Variants in RABGAP1L observed in about 807,000 individuals in gnomAD.
RABGAP1L encodes RAB GTPase activating protein 1 like.
In RABGAP1L, 63 loss-of-function variants were observed where a neutral mutation model predicts 137.7. The ratio of observed to expected loss-of-function variants is 0.46; its 90% CI spans 0.37 to 0.56. The LOEUF (loss-of-function observed/expected upper bound fraction) is 0.56, where lower values mean the gene tolerates loss of function less well. Among genes scored for constraint, RABGAP1L ranks in the 20% least tolerant of loss-of-function variants. The pLI is 0.00. For missense variants in RABGAP1L, 1,095 were observed against 1,244.0 expected (o/e 0.88, Z 1.80); for synonymous variants, 431 against 433.7 (o/e 0.99, Z 0.08).
chr1:174,623,574 G>A (rs1189974892), intron 13 of RABGAP1L, among the ~76,000 whole-genome samples: 2 of 152,178 alleles, frequency 1.3e-5, no homozygotes, highest in Non-Finnish European at 2.9e-5. Context: ...CTCTCCCCAT[G>A]AGTAATGGAT....
At chr1:174,653,321 A>G (rs1385956922) in intron 14 of RABGAP1L, among the ~76,000 whole-genome samples, 8 of 152,036 alleles carry the variant, frequency 5.3e-5, no homozygotes, top group South Asian at 2.1e-4. Flanking sequence ...CTGGCATTCC[A>G]GGTGCCACTG....
chr1:174,412,132 T>TA (rs1650007200), intron 13 of RABGAP1L, among the ~76,000 whole-genome samples: 1 of 152,076 alleles, frequency 6.6e-6, no homozygotes, highest in Admixed American at 6.6e-5. Flanking sequence ...GGTATAGACA[T>TA]ACTTGTTTAT....
intron 11 of RABGAP1L, among the ~76,000 whole-genome samples, chr1:174,335,876 A>C (rs551751480): frequency 6.6e-6 from 1 of 152,328 alleles, no homozygotes; most frequent in South Asian, 2.1e-4. Context: ...ACTATGCTTG[A>C]TTCTGAGAGA....
chr1:174,232,786 A>G (rs1291516880), intron 4 of RABGAP1L, among the ~76,000 whole-genome samples: 2 of 151,548 alleles, frequency 1.3e-5, no homozygotes, highest in Admixed American at 6.6e-5. Flanking sequence ...TAAGTCAGAT[A>G]ATGTTATTCT....
At chr1:174,532,362 C>G (rs1664493440) in intron 13 of RABGAP1L, among the ~76,000 whole-genome samples, 1 of 151,926 alleles carries the variant, frequency 6.6e-6, no homozygotes, top group Non-Finnish European at 1.5e-5. Flanking sequence ...GTGCGCACCA[C>G]CACACCTGGC....
chr1:174,702,269 C>G lies in RABGAP1L; in HGVS notation c.2169+13C>G. ...ACTGCTTTGTGAGGTAGAGTGACTCCCATCTTTCACTAAGCCAAAATAGAA... is the reference window on the plus strand; with the variant it reads ...ACTGCTTTGTGAGGTAGAGTGACTCGCATCTTTCACTAAGCCAAAATAGAA... On this transcript the variant is annotated intron_variant, in intron 17 of 25. Transcript: ENST00000681986. 1 of 1,571,502 alleles carries G rather than the reference C, an allele frequency of 6.4e-7. No homozygotes were observed. The highest frequency in any genetic ancestry group is 8.6e-7 in the Non-Finnish European group (1 of 1,160,352).
At chr1:174,648,004 A>T (rs756820267) in intron 14 of RABGAP1L, among the ~76,000 whole-genome samples, 5 of 152,010 alleles carry the variant, frequency 3.3e-5, no homozygotes, top group Non-Finnish European at 4.4e-5. Flanking sequence ...AAAGGTGTTT[A>T]TAGTATTCTC....
chr1:174,330,442 G>T (rs1408110863), intron 11 of RABGAP1L, among the ~76,000 whole-genome samples: 1 of 151,992 alleles, frequency 6.6e-6, no homozygotes, highest in African/African-American at 2.4e-5. Context: ...AAAATTAATA[G>T]GGCACAGTGG....
intron 14 of RABGAP1L, among the ~76,000 whole-genome samples, chr1:174,650,997 C>G (rs191924654): frequency 0.013 from 1,890 of 147,562 alleles, 19 homozygotes; most frequent in Middle Eastern, 0.064. Context: ...CCTCTACACA[C>G]TGCTTTGAAT....
In RABGAP1L at chr1:174,162,796, TTTTTTTTA is replaced by T. The variant is rs1173091585; in HGVS notation, c.-34+3140_-34+3147del. Among the ~76,000 whole-genome samples, 80 of 104,206 alleles carry T rather than the reference TTTTTTTTA, an allele frequency of 7.7e-4. 1 individual carries two copies. Among genetic ancestry groups the T allele is most frequent in the African/African-American group, 2.7e-3 (68 of 25,526 alleles). 68.4% of individuals were successfully genotyped at this position (104,206 alleles called of 152,430 possible). A position where few individuals can be genotyped will look rare whatever the true frequency, so the allele number is the denominator to read the frequency against. On this transcript the variant is annotated intron_variant, in intron 1 of 25. Coordinates refer to ENST00000681986, the MANE Select transcript of RABGAP1L (RefSeq NM_001366446.1). Reference sequence around the variant, plus strand: ...CTTTCTGTTTTTTTTTTTTTTTTTTTTTTTTTTAATTATACTTTAAGTTTTAGGGTACA... The same window carrying T: ...CTTTCTGTTTTTTTTTTTTTTTTTTTATTATACTTTAAGTTTTAGGGTACA...
Position 174,736,992 on chromosome 1 carries a change from C to T in RABGAP1L, c.2170-15321C>T, listed in dbSNP as rs59588705. The stretch of plus-strand genomic sequence containing the variant: ...ATGGGAGGGGCTGTCTCCAAGATCT[C>T]TGAAATACCTTCAAGGCCTTTTGCC... On this transcript the variant is annotated intron_variant, in intron 17 of 25. Transcript: ENST00000681986. Among the ~76,000 whole-genome samples the T allele has an allele frequency of 8.4e-3, 1,287 of 152,314 alleles. 10 individuals carry two copies. The highest frequency in any genetic ancestry group is 0.029 in the African/African-American group (1,213 of 41,570).
chr1:174,310,350 A>G (rs933137692), intron 11 of RABGAP1L, among the ~76,000 whole-genome samples: 6 of 152,186 alleles, frequency 3.9e-5, no homozygotes, highest in African/African-American at 9.6e-5. Context: ...AAATTTGTTA[A>G]GACTTGTTTT....
chr1:174,426,721 C>T (rs1434162218), intron 13 of RABGAP1L, among the ~76,000 whole-genome samples: 1 of 151,812 alleles, frequency 6.6e-6, no homozygotes, highest in Non-Finnish European at 1.5e-5. Flanking sequence ...TTTTAAATAC[C>T]CAATTTACCA....
chr1:174,679,225 G>A (rs1231005470), intron 14 of RABGAP1L, among the ~76,000 whole-genome samples: 1 of 152,126 alleles, frequency 6.6e-6, no homozygotes. Context: ...TCGGGTGTGC[G>A]GGTGTGAGCT....
intron 1 of RABGAP1L, among the ~76,000 whole-genome samples, chr1:174,174,584 G>A (rs1665685239): frequency 6.6e-6 from 1 of 152,156 alleles, no homozygotes; most frequent in South Asian, 2.1e-4. Context: ...AGCCAACATT[G>A]TATTAGGTTG....
chr1:174,989,515 T>A (rs984055257), intron 25 of RABGAP1L, among the ~76,000 whole-genome samples: 15 of 152,216 alleles, frequency 9.9e-5, no homozygotes, highest in African/African-American at 3.6e-4. Context: ...TCAGTAAAAA[T>A]TCATCCATAT....
At chr1:174,967,557 G>T (rs1178366966) in intron 20 of RABGAP1L, among the ~76,000 whole-genome samples, 6 of 152,068 alleles carry the variant, frequency 3.9e-5, no homozygotes, top group Admixed American at 2.6e-4. Flanking sequence ...GGCCAGGCTG[G>T]TCTTGAACTG....
At chr1:174,349,222 G>C (rs908191010) in intron 11 of RABGAP1L, among the ~76,000 whole-genome samples, 2 of 133,260 alleles carry the variant, frequency 1.5e-5, no homozygotes, top group African/African-American at 2.9e-5. Flanking sequence ...CTGGCCGGGC[G>C]GGGGGGCTGA....
Position 174,978,895 on chromosome 1 carries a change from T to C in RABGAP1L, c.2733+5T>C. 1 of 1,504,384 alleles carries C rather than the reference T, an allele frequency of 6.6e-7. No individual in the cohort carries two copies. Among genetic ancestry groups the C allele is most frequent in the Non-Finnish European group, 8.8e-7 (1 of 1,130,064 alleles). 93.2% of individuals were successfully genotyped at this position (1,504,384 alleles called of 1,614,324 possible). A position where few individuals can be genotyped will look rare whatever the true frequency, so the allele number is the denominator to read the frequency against. On this transcript the variant is annotated splice_donor_5th_base_variant and intron_variant, in intron 23 of 25. Transcript: ENST00000681986. The stretch of plus-strand genomic sequence containing the variant: ...ATCATTGCTGAGTATAAACAGGTAA[T>C]GTACTTCTGTGGCACATAGAGCTAG...
Sources: gnomAD v4.1 joint callset for allele counts (sites outside exome capture counted in the v4.1 genomes callset) on GRCh38, gnomAD v4.1.1 for gene constraint, MANE v1.5 for transcripts, NCBI Gene and HGNC (gene_info 2026-07-23, HGNC 2026-07-21) for gene names.